PPP2R2A: variants seen among roughly 807,000 people sequenced by gnomAD.
PPP2R2A encodes serine/threonine-protein phosphatase 2A 55 kDa regulatory subunit B alpha isoform.
Under a neutral mutation model 53.2 loss-of-function variants are expected in PPP2R2A, and 9 were observed. The ratio of observed to expected loss-of-function variants is 0.17; its 90% CI spans 0.10 to 0.30. PPP2R2A has a LOEUF of 0.30. Among genes scored for constraint, PPP2R2A ranks in the 10% least tolerant of loss-of-function variants. The pLI, the probability that PPP2R2A is intolerant of heterozygous loss-of-function variation, is 1.00. For synonymous variants in PPP2R2A, 169 were observed against 174.2 expected (o/e 0.97, Z 0.23); for missense variants, 235 against 534.6 (o/e 0.44, Z 5.53).
intron 2 of PPP2R2A, among the ~76,000 whole-genome samples, chr8:26,306,027 G>A (rs1469734611): frequency 6.6e-6 from 1 of 152,114 alleles, no homozygotes; most frequent in African/African-American, 2.4e-5. Context: ...ACAAAAATTA[G>A]CTGGGCATGG....
intron 3 of PPP2R2A, among the ~76,000 whole-genome samples, chr8:26,349,242 G>A (rs1316718767): frequency 2.6e-5 from 4 of 151,458 alleles, no homozygotes; most frequent in African/African-American, 9.7e-5. Flanking sequence ...GTAGATGTGT[G>A]TGTGTTTTGT....
Position 26,359,662 on chromosome 8 carries a change from G to A in PPP2R2A, c.347-507G>A, listed in dbSNP as rs116310220. On this transcript the variant is annotated intron_variant, in intron 4 of 9. Transcript: ENST00000380737. ...GAAGGGGAAAGGTTTTAAAAAGGAG[G>A]CATCCAGTCCTATGGAGGCCTCTGT... 7.1e-3 allele frequency among the ~76,000 whole-genome samples: 1,074 copies of A among 152,180 alleles called. 9 individuals carry two copies. The highest frequency in any genetic ancestry group is 0.024 in the African/African-American group (1,011 of 41,506).
At chr8:26,344,091 A>C (rs1245402763) in intron 3 of PPP2R2A, among the ~76,000 whole-genome samples, 2 of 152,198 alleles carry the variant, frequency 1.3e-5, no homozygotes, top group Non-Finnish European at 2.9e-5. Context: ...TCTTCACTGC[A>C]GAAGCCACAC....
chr8:26,352,679 TG>T (rs1804581239), intron 3 of PPP2R2A, among the ~76,000 whole-genome samples: 1 of 152,232 alleles, frequency 6.6e-6, no homozygotes, highest in African/African-American at 2.4e-5. Flanking sequence ...TCTATGATTT[TG>T]TTTTTGGATT....
In PPP2R2A at chr8:26,362,852, A is replaced by G; in HGVS notation, c.802+4A>G. ...CTCTGTGATAGACATTCTAAATGTA[A>G]GTTTATTGTATCTTTCCTTAAAATG... On this transcript the variant is annotated splice_donor_region_variant and intron_variant, in intron 7 of 9. Transcript: ENST00000380737. This position sits in a 1 kb window ranked among gnomAD's most constrained non-coding sequence, Gnocchi z 4.4. 1 of 1,610,080 alleles carries G rather than the reference A, an allele frequency of 6.2e-7. No individual in the cohort carries two copies. The highest frequency in any genetic ancestry group is 8.5e-7 in the Non-Finnish European group (1 of 1,177,278).
chr8:26,370,646 A>C lies in PPP2R2A; in HGVS notation c.*233A>C. On this transcript the variant is annotated 3_prime_UTR_variant, in exon 10 of 10. Coordinates refer to ENST00000380737, the MANE Select transcript of PPP2R2A (RefSeq NM_002717.4). The surrounding 1 kb of genome is among the most constrained non-coding windows in gnomAD (Gnocchi z 6.1). ...GTAAGGGTAGGGCACTTTTAATTTAAATGACTTCTTGCACCATCTTGCCTA... is the reference window on the plus strand; with the variant it reads ...GTAAGGGTAGGGCACTTTTAATTTACATGACTTCTTGCACCATCTTGCCTA... The C allele has an allele frequency of 1.8e-6, 1 of 551,470 alleles. No homozygotes were observed. Among genetic ancestry groups the C allele is most frequent in the South Asian group, 2.1e-5 (1 of 46,678 alleles). The allele number at this position is 551,470 out of a possible 1,614,324, so 34.2% of individuals were successfully genotyped here. A position where few individuals can be genotyped will look rare whatever the true frequency, so the allele number is the denominator to read the frequency against.
rs1322138322 is a variant in PPP2R2A at position 26,292,551 on chromosome 8, G to T, written c.7+725G>T. 7.5e-6 allele frequency: 5 copies of T among 662,474 alleles called. No individual in the cohort carries two copies. In the African/African-American group the frequency reaches 9.9e-5, roughly 13 times the overall value. 41.0% of individuals were successfully genotyped at this position (662,474 alleles called of 1,614,324 possible). On this transcript the variant is annotated intron_variant, in intron 1 of 9. Coordinates refer to ENST00000380737, the MANE Select transcript of PPP2R2A (RefSeq NM_002717.4). ...GGTAGAGTTAGTTAAAATAGTTGCG[G>T]AGTTCAGAGATATAAATAGCAAGGA...
At chr8:26,309,160 C>A (rs554099395) in intron 2 of PPP2R2A, among the ~76,000 whole-genome samples, 5 of 152,292 alleles carry the variant, frequency 3.3e-5, no homozygotes, top group African/African-American at 1.2e-4. Context: ...CATGCGCAGC[C>A]TATATTTCTT....
chr8:26,317,505 T>C (rs2117255123), intron 2 of PPP2R2A, among the ~76,000 whole-genome samples: 1 of 152,332 alleles, frequency 6.6e-6, no homozygotes, highest in Non-Finnish European at 1.5e-5. Flanking sequence ...TAGTGGGCAT[T>C]TGTTGAATGG....
intron 1 of PPP2R2A, chr8:26,292,428 GCAAGGCCTT>G: frequency 1.0e-6 from 1 of 985,520 alleles, no homozygotes; most frequent in African/African-American, 1.7e-5. Flanking sequence ...GCCGAAGAGT[GCAAGGCCTT>G]TCATGTACAG....
At chr8:26,312,120 T>C (rs1308829202) in intron 2 of PPP2R2A, among the ~76,000 whole-genome samples, 1 of 152,202 alleles carries the variant, frequency 6.6e-6, no homozygotes, top group Admixed American at 6.5e-5. Context: ...GGCTGACAAA[T>C]ATATTTAGAG....
intron 2 of PPP2R2A, among the ~76,000 whole-genome samples, chr8:26,330,063 AC>A (rs1803289651): frequency 6.6e-6 from 1 of 152,146 alleles, no homozygotes; most frequent in Non-Finnish European, 1.5e-5. Context: ...AGTGATACTT[AC>A]GTTAGAGCAC....
intron 2 of PPP2R2A, among the ~76,000 whole-genome samples, chr8:26,330,754 A>C (rs7842831): frequency 2.6e-5 from 4 of 151,794 alleles, no homozygotes; most frequent in African/African-American, 9.7e-5. Context: ...TATGGGTTGT[A>C]TTTTCCTGCC....
At chr8:26,347,734 AGG>A (rs1196225206) in intron 3 of PPP2R2A, among the ~76,000 whole-genome samples, 1 of 152,080 alleles carries the variant, frequency 6.6e-6, no homozygotes, top group Non-Finnish European at 1.5e-5. Context: ...TTTTTTTGAT[AGG>A]ATATTGTGAC....
At chr8:26,326,869 A>G (rs1042872290) in intron 2 of PPP2R2A, among the ~76,000 whole-genome samples, 1 of 152,226 alleles carries the variant, frequency 6.6e-6, no homozygotes, top group Non-Finnish European at 1.5e-5. Flanking sequence ...TAACAGTTAT[A>G]TACCAGGGCT....
intron 4 of PPP2R2A, among the ~76,000 whole-genome samples, chr8:26,355,758 G>T (rs1217927122): frequency 1.3e-5 from 2 of 151,908 alleles, no homozygotes; most frequent in Non-Finnish European, 2.9e-5. Flanking sequence ...CCAGCTACTG[G>T]GGCGGGGGTG....
chr8:26,359,845 CAT>C (rs1204728593), intron 4 of PPP2R2A, among the ~76,000 whole-genome samples: 1 of 152,220 alleles, frequency 6.6e-6, no homozygotes, highest in Middle Eastern at 3.4e-3. Flanking sequence ...TAGGTACAGA[CAT>C]ATATGTGTTT....
intron 2 of PPP2R2A, among the ~76,000 whole-genome samples, chr8:26,311,033 T>C (rs1802267473): frequency 6.6e-6 from 1 of 152,164 alleles, no homozygotes; most frequent in African/African-American, 2.4e-5. Context: ...ATGAAGTGGA[T>C]TTTTTTCCTT....
At chr8:26,319,251 A>G (rs531358147) in intron 2 of PPP2R2A, among the ~76,000 whole-genome samples, 17 of 152,308 alleles carry the variant, frequency 1.1e-4, no homozygotes, top group East Asian at 9.6e-4. Flanking sequence ...GGCTATTTCA[A>G]TAGTGTTGCT....
Sources: allele counts gnomAD v4.1 joint callset (sites outside exome capture counted in the v4.1 genomes callset), GRCh38; gene constraint gnomAD v4.1.1; non-coding constraint Gnocchi (gnomAD v3.1); transcripts MANE v1.5; gene names NCBI Gene and HGNC (gene_info 2026-07-23, HGNC 2026-07-21).